Variants in CSF2RB observed in about 807,000 individuals in gnomAD.
The protein encoded by CSF2RB is colony stimulating factor 2 receptor subunit beta, also known as cytokine receptor common subunit beta.
CSF2RB carries 22 observed loss-of-function variants against 67.2 expected under a neutral mutation model. The observed-to-expected ratio is 0.33, with a 90% CI of 0.23 to 0.47. The LOEUF (loss-of-function observed/expected upper bound fraction) is 0.47, where lower values mean the gene tolerates loss of function less well. Among genes scored for constraint, CSF2RB ranks in the 20% least tolerant of loss-of-function variants. CSF2RB has a pLI of 1.00. For synonymous variants in CSF2RB, 507 were observed against 482.9 expected (o/e 1.05, Z -0.65); for missense variants, 1,113 against 1,174.5 (o/e 0.95, Z 0.76).
At chr22:36,927,480 G>T (rs753964790) in intron 4 of CSF2RB, among the ~76,000 whole-genome samples, 5 of 124,796 alleles carry the variant, frequency 4.0e-5, no homozygotes, top group Non-Finnish European at 7.1e-5. Context: ...AGGGCAGTAA[G>T]AGCCTCTCTG....
rs927376051 is a variant in CSF2RB at position 36,938,771 on chromosome 22, T to C, written c.*269T>C. The C allele has an allele frequency of 2.5e-5, 14 of 558,108 alleles. No homozygotes were observed. Among genetic ancestry groups the C allele is most frequent in the Non-Finnish European group, 3.8e-5 (12 of 316,504 alleles). The allele number at this position is 558,108 out of a possible 1,614,324, so 34.6% of individuals were successfully genotyped here. On this transcript the variant is annotated 3_prime_UTR_variant, in exon 14 of 14. Coordinates refer to ENST00000403662, the MANE Select transcript of CSF2RB (RefSeq NM_000395.3). The stretch of plus-strand genomic sequence containing the variant: ...TGTAGGTTCTGCATTATTAGAACTT[T>C]CTAGATATACTCATTCCATCTCCCC...
rs761674523 is a variant in CSF2RB, at chr22:36,936,622, C to T, written c.1538C>T (p.Pro513Leu). ...AGCGGGAGTCCCCCACACCAGGGGC[C>T]GTGGGGCAGCCGCTTCCCTGAGCTG... ...FTSGSPPHQG[P>L]WGSRFPELEG... Residue 513 changes from proline (P) to leucine (L), a missense_variant, in exon 13 of 14, where the codon CCG becomes CTG. Transcript: ENST00000403662. The T allele has an allele frequency of 2.8e-5, 45 of 1,613,448 alleles. No homozygotes were observed. Among genetic ancestry groups the T allele is most frequent in the Admixed American group, 6.7e-5 (4 of 60,004 alleles).
In CSF2RB at chr22:36,940,427, T is replaced by G. The variant is rs1042582153; in HGVS notation, c.*1925T>G. The G allele has an allele frequency of 6.6e-6, 1 of 152,200 alleles. No homozygotes were observed. Among genetic ancestry groups the G allele is most frequent in the Non-Finnish European group, 1.5e-5 (1 of 68,044 alleles). 9.4% of individuals were successfully genotyped at this position (152,200 alleles called of 1,614,324 possible). ...AAGGGAAAAAATTGCAATAAAATAT[T>G]TGTAACATAAAACAAAGTGAAACCC... is the stretch of plus-strand genomic sequence containing the variant. On this transcript the variant is annotated 3_prime_UTR_variant, in exon 14 of 14. Transcript: ENST00000403662.
At chr22:36,935,904 T>C (rs528430688) in intron 12 of CSF2RB, among the ~76,000 whole-genome samples, 2 of 152,298 alleles carry the variant, frequency 1.3e-5, no homozygotes, top group Non-Finnish European at 2.9e-5. Context: ...GAGCTCTGCA[T>C]GGAGCCCAGT....
chr22:36,923,619 A>G (rs1940936271), intron 3 of CSF2RB: 1 of 834,718 alleles, frequency 1.2e-6, no homozygotes, highest in Non-Finnish European at 1.4e-6. Flanking sequence ...TGGTGGTGGC[A>G]ATGGTGAAAA....
At chr22:36,917,922 CAA>C (rs76759877) in intron 1 of CSF2RB, among the ~76,000 whole-genome samples, 4 of 144,472 alleles carry the variant, frequency 2.8e-5, no homozygotes, top group South Asian at 2.2e-4. Context: ...GATTCTGTCT[CAA>C]AAAAAAAAAA....
chr22:36,936,729 C>T, intron 13 of CSF2RB, 77 bp downstream of exon 13: 1 of 1,292,100 alleles, frequency 7.7e-7, no homozygotes, highest in Non-Finnish European at 1.1e-6. Context: ...ATCAGGGACT[C>T]AAGTGAGGCT....
rs747969899 is a variant in CSF2RB at position 36,930,757 on chromosome 22, C to T, written c.939C>T (p.Pro313=). The T allele has an allele frequency of 5.0e-5, 81 of 1,613,874 alleles. No individual in the cohort carries two copies. The highest frequency in any genetic ancestry group is 5.8e-5 in the Non-Finnish European group (69 of 1,180,046). ...RHHCQIPVPD[P]ATHGQYIVSV... ...ACTGCCAGATTCCCGTGCCCGACCC[C>T]GCGACCCACGGCCAATACATCGTCT... Residue 313 remains proline (P), a synonymous_variant, in exon 8 of 14, where the codon CCC becomes CCT. Coordinates refer to ENST00000403662, the MANE Select transcript of CSF2RB (RefSeq NM_000395.3).
chr22:36,921,979 G>C, intron 1 of CSF2RB, 57 bp from the exon 2 acceptor site: 1 of 594,530 alleles, frequency 1.7e-6, no homozygotes, highest in Admixed American at 2.9e-5. Context: ...CACGGGCGGT[G>C]TCCCTGGGAC....
intron 5 of CSF2RB, 39 bp downstream of exon 5, chr22:36,929,598 T>A (rs540559131): frequency 1.2e-6 from 2 of 1,614,172 alleles, no homozygotes; most frequent in Non-Finnish European, 1.7e-6. Context: ...CCCGAAGGGA[T>A]GGGCAGCACC....
At chr22:36,917,939 A>AT (rs1011751874) in intron 1 of CSF2RB, among the ~76,000 whole-genome samples, 3 of 151,716 alleles carry the variant, frequency 2.0e-5, no homozygotes, top group Non-Finnish European at 2.9e-5. Context: ...AAAAAATAGT[A>AT]TTTTTTTTAA....
chr22:36,922,826 G>A (rs1430491681), intron 2 of CSF2RB: 2 of 304,482 alleles, frequency 6.6e-6, no homozygotes, highest in African/African-American at 4.3e-5. Context: ...CCTGAGGACG[G>A]GGACTAGAGA....
Position 36,933,921 on chromosome 22 carries a change from C to T in CSF2RB, c.1242C>T (p.Val414=). The T allele has an allele frequency of 1.9e-6, 3 of 1,612,388 alleles. No homozygotes were observed. Among genetic ancestry groups the T allele is most frequent in the Non-Finnish European group, 2.5e-6 (3 of 1,179,978 alleles). Residue 414 remains valine (V), a synonymous_variant, in exon 10 of 14, where the codon GTC becomes GTT. Transcript: ENST00000403662. Reference sequence around the variant, plus strand: ...CCAGGTACTGGGCCAGGGTGAGGGTCAGGACCTCCCGCACCGGCTACAACG... The same window carrying T: ...CCAGGTACTGGGCCAGGGTGAGGGTTAGGACCTCCCGCACCGGCTACAACG... ...PSTRYWARVR[V]RTSRTGYNGI... is the part of the protein sequence containing the mutation.
At chr22:36,926,704 T>C (rs1941025506) in intron 4 of CSF2RB, among the ~76,000 whole-genome samples, 1 of 152,188 alleles carries the variant, frequency 6.6e-6, no homozygotes, top group African/African-American at 2.4e-5. Context: ...CCCACAGTGG[T>C]CCATGAAGCC....
At position 36,929,755 on chromosome 22, in the gene CSF2RB, C is replaced by T; in HGVS notation, c.666C>T (p.Leu222=). ...CCCGCCTGGCCCCAGGTTCTCGGCTCTCAGGACGTCCCAGCAAGTGGAGCC... is the reference window on the plus strand; with the variant it reads ...CCCGCCTGGCCCCAGGTTCTCGGCTTTCAGGACGTCCCAGCAAGTGGAGCC... ...VRTRLAPGSR[L]SGRPSKWSPE... is the part of the protein sequence containing the mutation. The change falls in exon 6 of 14, where the codon CTC becomes CTT. Residue 222 remains leucine, a synonymous_variant. Transcript: ENST00000403662. The T allele has an allele frequency of 6.2e-7, 1 of 1,614,146 alleles. No homozygotes were observed. The highest frequency in any genetic ancestry group is 8.5e-7 in the Non-Finnish European group (1 of 1,180,004).
In CSF2RB at chr22:36,926,262, C is replaced by A. The variant is rs1187168072; in HGVS notation, c.391+85C>A. The stretch of plus-strand genomic sequence containing the variant: ...GGGGTGGTCCAGGGAGTCTTCAAGG[C>A]AGAAGGCTGTGGCTTGGGGTTGGGT... On this transcript the variant is annotated intron_variant, in intron 4 of 13. Coordinates refer to ENST00000403662, the MANE Select transcript of CSF2RB (RefSeq NM_000395.3). 4.4e-6 allele frequency: 6 copies of A among 1,374,572 alleles called. No homozygotes were observed. The East Asian group carries it at 9.2e-5, about 21-fold the overall frequency. 85.1% of individuals were successfully genotyped at this position (1,374,572 alleles called of 1,614,324 possible).
At chr22:36,930,542 C>G (rs938725526) in intron 7 of CSF2RB, 32 bp downstream of exon 7, 2 of 1,612,340 alleles carry the variant, frequency 1.2e-6, no homozygotes, top group Non-Finnish European at 8.5e-7. Context: ...CCCCTCCCCT[C>G]CTCTTGGCCT....
Position 36,937,855 on chromosome 22 carries a change from G to C in CSF2RB, c.2047G>C (p.Val683Leu), listed in dbSNP as rs754826126. The C allele has an allele frequency of 6.2e-7, 1 of 1,613,724 alleles. No homozygotes were observed. The highest frequency in any genetic ancestry group is 1.3e-5 in the African/African-American group (1 of 74,920). The change falls in exon 14 of 14, where the codon GTG becomes CTG. Residue 683 changes from valine (V) to leucine (L), a missense_variant. Coordinates refer to ENST00000403662, the MANE Select transcript of CSF2RB (RefSeq NM_000395.3). The surrounding 1 kb of genome is among the most constrained non-coding windows in gnomAD (Gnocchi z 4.6). The stretch of plus-strand genomic sequence containing the variant: ...TGCCCCTCCTGCTCTTGGGCCAAGG[G>C]TGGGAGGACAGGACCAAAAGGACAG... Reference protein sequence around the residue: ...GPAPPALGPRVGGQDQKDSPV... With the variant: ...GPAPPALGPRLGGQDQKDSPV...
chr22:36,922,676 G>A (rs1203299172), intron 2 of CSF2RB: 12 of 363,022 alleles, frequency 3.3e-5, no homozygotes, highest in South Asian at 2.6e-4. Flanking sequence ...TGCTTCAGCC[G>A]CTAGCACCCT....
Sources: allele counts gnomAD v4.1 joint callset (sites outside exome capture counted in the v4.1 genomes callset), GRCh38; gene constraint gnomAD v4.1.1; non-coding constraint Gnocchi (gnomAD v3.1); transcripts MANE v1.5; gene names NCBI Gene and HGNC (gene_info 2026-07-23, HGNC 2026-07-21).